The following GUCY1B1 variants were observed in gnomAD, a reference collection of about 807,000 sequenced individuals.
GUCY1B1 encodes the protein guanylate cyclase 1 soluble subunit beta 1, also known as guanylate cyclase soluble subunit beta-1.
Under a neutral mutation model 71.0 loss-of-function variants are expected in GUCY1B1, and 43 were observed. The observed-to-expected ratio is 0.61, with a 90% CI of 0.47 to 0.78. The LOEUF is 0.78. GUCY1B1 is among the 30% of genes least tolerant of loss of function. GUCY1B1 has a pLI of 0.00. For missense variants in GUCY1B1, 535 were observed against 754.1 expected, an observed-to-expected ratio of 0.71 and a Z score of 3.40; for synonymous variants, 266 against 259.7, an observed-to-expected ratio of 1.02 and a Z score of -0.23.
intron 13 of GUCY1B1, among the ~76,000 whole-genome samples, chr4:155,805,760 A>C (rs570225004): frequency 1.3e-5 from 2 of 152,172 alleles, no homozygotes; most frequent in African/African-American, 4.8e-5. Context: ...ACTTGCTAGA[A>C]TCTGATTAAT....
intron 5 of GUCY1B1, among the ~76,000 whole-genome samples, chr4:155,793,054 C>T (rs972448008): frequency 5.3e-5 from 8 of 152,034 alleles, no homozygotes; most frequent in Admixed American, 3.9e-4. Context: ...TTTTTCAGTA[C>T]CTTACCCAAT....
At chr4:155,791,780 A>AAAC (rs1491298476) in intron 5 of GUCY1B1, among the ~76,000 whole-genome samples, 1 of 28,684 alleles carries the variant, frequency 3.5e-5, no homozygotes, top group Non-Finnish European at 9.3e-5. Context: ...AACGAAAAAC[A>AAAC]AAAAAAAACA....
chr4:155,799,326 A>G (rs1321738909), intron 8 of GUCY1B1, among the ~76,000 whole-genome samples: 1 of 152,214 alleles, frequency 6.6e-6, no homozygotes, highest in Admixed American at 6.5e-5. Context: ...TGAGAGCCAG[A>G]AGTAAGAATG....
At chr4:155,776,350 T>A (rs1336627692) in intron 3 of GUCY1B1, among the ~76,000 whole-genome samples, 1 of 152,164 alleles carries the variant, frequency 6.6e-6, no homozygotes, top group Non-Finnish European at 1.5e-5. Context: ...ACATTTTCAA[T>A]AAGAAGGGAT....
chr4:155,762,523 G>A (rs1471484814), intron 2 of GUCY1B1, among the ~76,000 whole-genome samples: 1 of 152,132 alleles, frequency 6.6e-6, no homozygotes, highest in Non-Finnish European at 1.5e-5. Flanking sequence ...CTAAGTAACA[G>A]ATTCCAGACA....
chr4:155,804,962 T>A (rs556355908), intron 12 of GUCY1B1, 141 bp from the exon 13 acceptor site: 1 of 788,636 alleles, frequency 1.3e-6, no homozygotes, highest in African/African-American at 1.7e-5. Context: ...GATATGATCA[T>A]TGTTTCTAAA....
chr4:155,765,171 A>G (rs1202358963), intron 2 of GUCY1B1, among the ~76,000 whole-genome samples: 2 of 152,150 alleles, frequency 1.3e-5, no homozygotes, highest in Non-Finnish European at 1.5e-5. Context: ...AACATTTACT[A>G]AGCATTGTTA....
intron 2 of GUCY1B1, among the ~76,000 whole-genome samples, chr4:155,770,140 T>C (rs188979850): frequency 2.9e-4 from 44 of 152,282 alleles, no homozygotes; most frequent in African/African-American, 1.1e-3. Context: ...TGAGATAATA[T>C]TACTTGAATT....
chr4:155,799,391 TG>T (rs907721069), intron 8 of GUCY1B1, among the ~76,000 whole-genome samples: 34 of 152,278 alleles, frequency 2.2e-4, no homozygotes, highest in Admixed American at 1.2e-3. Flanking sequence ...TAAACGTGGT[TG>T]GGAATTTTTA....
intron 2 of GUCY1B1, chr4:155,772,612 G>T: frequency 1.5e-6 from 1 of 679,364 alleles, no homozygotes; most frequent in Non-Finnish European, 2.7e-6. Flanking sequence ...GAGAGAAGAG[G>T]TCTTGGTATG....
At position 155,805,090 on chromosome 4, in the gene GUCY1B1, C is replaced by T. The variant is rs1740225024; in HGVS notation, c.1710-13C>T. The T allele has an allele frequency of 1.2e-6, 2 of 1,608,794 alleles. No individual in the cohort carries two copies. The highest frequency in any genetic ancestry group is 4.5e-5 in the East Asian group (2 of 44,796). Reference sequence around the variant, plus strand: ...TATACTTCTCTCTCTACTCCCCTTCCCTTGTCTTTTAGATGTCTTATGTCT... The same window carrying T: ...TATACTTCTCTCTCTACTCCCCTTCTCTTGTCTTTTAGATGTCTTATGTCT... On this transcript the variant is annotated splice_polypyrimidine_tract_variant and intron_variant, in intron 12 of 13. Coordinates refer to ENST00000264424, the MANE Select transcript of GUCY1B1 (RefSeq NM_000857.5).
In GUCY1B1 at chr4:155,804,714, A is replaced by G. The variant is rs1740199214; in HGVS notation, c.1676A>G (p.Lys559Arg). 1 of 1,613,136 alleles carries G rather than the reference A, an allele frequency of 6.2e-7. No homozygotes were observed. Among genetic ancestry groups the G allele is most frequent in the Non-Finnish European group, 8.5e-7 (1 of 1,179,454 alleles). Residue 559 changes from lysine to arginine, a missense_variant, in exon 12 of 14, where the codon AAG becomes AGG. Coordinates refer to ENST00000264424, the MANE Select transcript of GUCY1B1 (RefSeq NM_000857.5). ...LTSRTETTGE[K>R]GKINVSEYTY... ...AGCCGAACAGAAACCACAGGAGAAAAGGGAAAAATAAATGTGTCTGAATAT... is the reference window on the plus strand; with the variant it reads ...AGCCGAACAGAAACCACAGGAGAAAGGGGAAAAATAAATGTGTCTGAATAT...
intron 4 of GUCY1B1, among the ~76,000 whole-genome samples, chr4:155,786,508 C>A (rs1310036163): frequency 4.0e-5 from 5 of 125,856 alleles, no homozygotes; most frequent in African/African-American, 1.5e-4. Context: ...CTCACTCTGT[C>A]GCCCAGGCTG....
At chr4:155,776,069 C>A (rs1288270017) in intron 3 of GUCY1B1, among the ~76,000 whole-genome samples, 1 of 151,964 alleles carries the variant, frequency 6.6e-6, no homozygotes, top group African/African-American at 2.4e-5. Context: ...CATGAAATAA[C>A]TTTTTTTATT....
chr4:155,777,515 G>C lies in GUCY1B1; in HGVS notation c.179-9G>C. On this transcript the variant is annotated splice_polypyrimidine_tract_variant and intron_variant, in intron 3 of 13. Transcript: ENST00000264424. ...ATGCTTTTTTTCCCCTCTTGAATTT[G>C]TAAAATAGATCTCAATGCTGGAGAA... 6.9e-7 allele frequency: 1 copy of C among 1,446,468 alleles called. No homozygotes were observed. The highest frequency in any genetic ancestry group is 9.7e-7 in the Non-Finnish European group (1 of 1,029,034). The allele number at this position is 1,446,468 out of a possible 1,614,324, so 89.6% of individuals were successfully genotyped here.
In GUCY1B1 at chr4:155,802,624, C is replaced by G. The variant is rs182191288; in HGVS notation, c.1413+45C>G. On this transcript the variant is annotated intron_variant, in intron 10 of 13. Coordinates refer to ENST00000264424, the MANE Select transcript of GUCY1B1 (RefSeq NM_000857.5). This position sits in a 1 kb window ranked among gnomAD's most constrained non-coding sequence, Gnocchi z 4.3. ...GACTGCAGAGCTATCCAGAGGCTGG[C>G]GTTCTGAGACTCCCCTCCAGAGGCC... The G allele has an allele frequency of 1.3e-6, 2 of 1,484,620 alleles. No homozygotes were observed. The highest frequency in any genetic ancestry group is 1.4e-5 in the South Asian group (1 of 71,758). The allele number at this position is 1,484,620 out of a possible 1,614,324, so 92.0% of individuals were successfully genotyped here. A position where few individuals can be genotyped will look rare whatever the true frequency, so the allele number is the denominator to read the frequency against.
intron 2 of GUCY1B1, among the ~76,000 whole-genome samples, chr4:155,760,154 C>T (rs1459852991): frequency 6.6e-6 from 1 of 152,162 alleles, no homozygotes; most frequent in Non-Finnish European, 1.5e-5. Context: ...GCCGGCGCTC[C>T]CAGGCTCAGC....
intron 8 of GUCY1B1, among the ~76,000 whole-genome samples, chr4:155,796,906 C>T (rs1404557601): frequency 1.3e-5 from 2 of 152,022 alleles, no homozygotes; most frequent in East Asian, 3.9e-4. Flanking sequence ...ATTATCTTTT[C>T]TATAGTATGT....
intron 4 of GUCY1B1, among the ~76,000 whole-genome samples, chr4:155,787,359 A>G (rs1738868131): frequency 6.6e-6 from 1 of 152,208 alleles, no homozygotes; most frequent in Non-Finnish European, 1.5e-5. Context: ...GCTTGACTCC[A>G]TCAGGTATAA....
Sources: allele counts gnomAD v4.1 joint callset (sites outside exome capture counted in the v4.1 genomes callset), GRCh38; gene constraint gnomAD v4.1.1; non-coding constraint Gnocchi (gnomAD v3.1); transcripts MANE v1.5; gene names NCBI Gene and HGNC (gene_info 2026-07-23, HGNC 2026-07-21).